Variants in RARB observed in about 807,000 individuals in gnomAD.
RARB encodes retinoic acid receptor beta, also known as HBV-activated protein.
Under a neutral mutation model 51.9 loss-of-function variants are expected in RARB, and 17 were observed. That is an observed-to-expected ratio of 0.33 (90% CI 0.22 to 0.49). The LOEUF is 0.49. Among genes scored for constraint, RARB ranks in the 20% least tolerant of loss-of-function variants. The pLI, the probability that RARB is intolerant of heterozygous loss-of-function variation, is 0.99. For synonymous variants in RARB, 215 were observed against 195.4 expected (o/e 1.10, Z -0.84); for missense variants, 369 against 550.8 (o/e 0.67, Z 3.30).
At chr3:25,471,977 C>A (rs1249250039) in intron 2 of RARB, among the ~76,000 whole-genome samples, 1 of 152,150 alleles carries the variant, frequency 6.6e-6, no homozygotes, top group Non-Finnish European at 1.5e-5. Context: ...AGCCCTTGGT[C>A]TTCCCACTCT....
rs905959681 is a variant in RARB at position 25,048,818 on chromosome 3, C to T, written c.-379-11307C>T. Among the ~76,000 whole-genome samples, 274 of 143,220 alleles carry T rather than the reference C, an allele frequency of 1.9e-3. 3 individuals are homozygous for T. Among genetic ancestry groups the T allele is most frequent in the African/African-American group, 6.5e-3 (248 of 37,912 alleles). 94.0% of individuals were successfully genotyped at this position (143,220 alleles called of 152,430 possible). A position where few individuals can be genotyped will look rare whatever the true frequency, so the allele number is the denominator to read the frequency against. On this transcript the variant is annotated intron_variant, in intron 2 of 11. Coordinates refer to the RARB transcript ENST00000383772. ...TTGCCCAGGCTGGAGTGCAGTGGCGCGATCTCGGCTCACTGCAAGCTCCGC... is the reference window on the plus strand; with the variant it reads ...TTGCCCAGGCTGGAGTGCAGTGGCGTGATCTCGGCTCACTGCAAGCTCCGC...
intron 5 of RARB, among the ~76,000 whole-genome samples, chr3:25,316,452 G>T (rs374513671): frequency 6.6e-6 from 1 of 152,004 alleles, no homozygotes; most frequent in Non-Finnish European, 1.5e-5. Flanking sequence ...TAGGATTAAG[G>T]CAAGAAACAG....
chr3:25,042,970 C>A (rs1698143644), intron 2 of RARB, among the ~76,000 whole-genome samples: 1 of 152,184 alleles, frequency 6.6e-6, no homozygotes, highest in Non-Finnish European at 1.5e-5. Flanking sequence ...ATCCTTCATC[C>A]AGTACTTGTC....
intron 5 of RARB, among the ~76,000 whole-genome samples, chr3:25,336,172 A>G (rs1161499404): frequency 6.6e-6 from 1 of 152,210 alleles, no homozygotes; most frequent in Non-Finnish European, 1.5e-5. Flanking sequence ...GAGAAAAATA[A>G]AGACAACTGG....
At chr3:25,405,818 A>C (rs1188369774) in intron 5 of RARB, among the ~76,000 whole-genome samples, 1 of 152,206 alleles carries the variant, frequency 6.6e-6, no homozygotes, top group Admixed American at 6.5e-5. Context: ...GGAATAAGAA[A>C]GCACTTCTGT....
chr3:25,364,422 A>G (rs988278804), intron 5 of RARB, among the ~76,000 whole-genome samples: 5 of 152,202 alleles, frequency 3.3e-5, no homozygotes, highest in African/African-American at 1.2e-4. Context: ...AGAATAATGC[A>G]CATCTGCAAA....
intron 3 of RARB, among the ~76,000 whole-genome samples, chr3:25,076,461 C>A (rs565887058): frequency 6.6e-6 from 1 of 152,154 alleles, no homozygotes; most frequent in African/African-American, 2.4e-5. Flanking sequence ...ATGGCAGTTA[C>A]TAGAAATCTG....
intron 5 of RARB, among the ~76,000 whole-genome samples, chr3:25,322,398 A>C (rs1448572333): frequency 1.3e-5 from 2 of 152,208 alleles, no homozygotes; most frequent in Non-Finnish European, 2.9e-5. Flanking sequence ...CATGAAATGC[A>C]AGAGCTAGAA....
chr3:25,431,211 G>C (rs1708194315), intron 1 of RARB, among the ~76,000 whole-genome samples: 1 of 152,016 alleles, frequency 6.6e-6, no homozygotes, highest in Non-Finnish European at 1.5e-5. Context: ...AGTGGGCAAA[G>C]AAGAAAAAGT....
intron 2 of RARB, among the ~76,000 whole-genome samples, chr3:25,057,454 C>A (rs1308182672): frequency 1.3e-5 from 2 of 151,990 alleles, no homozygotes; most frequent in African/African-American, 4.8e-5. Context: ...AATTCCTAAT[C>A]TCTTAGGGAA....
chr3:25,312,778 A>G (rs1345867059), intron 5 of RARB, among the ~76,000 whole-genome samples: 3 of 152,360 alleles, frequency 2.0e-5, no homozygotes, highest in East Asian at 1.9e-4. Context: ...CCACTGGGGA[A>G]CATTCCCACG....
chr3:25,192,228 T>C (rs1431753171), intron 5 of RARB, among the ~76,000 whole-genome samples: 1 of 152,164 alleles, frequency 6.6e-6, no homozygotes, highest in Non-Finnish European at 1.5e-5. Flanking sequence ...AAATAATTTA[T>C]ACATAAGACT....
intron 3 of RARB, among the ~76,000 whole-genome samples, chr3:25,069,394 GC>G (rs1176476839): frequency 6.6e-6 from 1 of 152,156 alleles, no homozygotes; most frequent in Non-Finnish European, 1.5e-5. Context: ...TTCTCTAAGG[GC>G]TTTCCCAGAC....
chr3:25,204,324 G>A (rs187127004), intron 5 of RARB, among the ~76,000 whole-genome samples: 381 of 152,212 alleles, frequency 2.5e-3, no homozygotes, highest in Non-Finnish European at 3.8e-3. Flanking sequence ...TTAGCCATTC[G>A]TCTAATCTTT....
At chr3:24,833,614 T>A (rs939890150) in intron 1 of RARB, among the ~76,000 whole-genome samples, 1 of 152,242 alleles carries the variant, frequency 6.6e-6, no homozygotes, top group Non-Finnish European at 1.5e-5. Context: ...GGTTATATTA[T>A]CACTACAAAC....
At chr3:25,310,701 C>T (rs1356332460) in intron 5 of RARB, among the ~76,000 whole-genome samples, 1 of 152,114 alleles carries the variant, frequency 6.6e-6, no homozygotes, top group Non-Finnish European at 1.5e-5. Context: ...TCTGGGCTAC[C>T]ATTTTCTTTA....
At chr3:25,521,383 A>G (rs974496088) in intron 3 of RARB, among the ~76,000 whole-genome samples, 2 of 152,148 alleles carry the variant, frequency 1.3e-5, no homozygotes, top group Non-Finnish European at 2.9e-5. Context: ...CTCATCACAC[A>G]CGTTCCTGTT....
intron 4 of RARB, among the ~76,000 whole-genome samples, chr3:25,133,523 G>C (rs926441255): frequency 1.3e-5 from 2 of 151,996 alleles, no homozygotes; most frequent in Admixed American, 1.3e-4. Context: ...ATGGTTTACT[G>C]CTTCCTTGGT....
intron 2 of RARB, among the ~76,000 whole-genome samples, chr3:24,902,922 A>G (rs1182830190): frequency 6.6e-6 from 1 of 151,818 alleles, no homozygotes; most frequent in Non-Finnish European, 1.5e-5. Flanking sequence ...GTATTTGATT[A>G]TCTTTATATT....
Sources: gnomAD v4.1 joint callset for allele counts (sites outside exome capture counted in the v4.1 genomes callset) on GRCh38, gnomAD v4.1.1 for gene constraint, MANE v1.5 for transcripts, NCBI Gene and HGNC (gene_info 2026-07-23, HGNC 2026-07-21) for gene names.